The following PRR5 variants were observed in gnomAD, a reference collection of about 807,000 sequenced individuals.
PRR5 encodes the protein proline rich 5, also known as proline-rich protein 5.
In PRR5, 25 loss-of-function variants were observed where a neutral mutation model predicts 30.6. The ratio of observed to expected loss-of-function variants is 0.82; its 90% confidence interval spans 0.60 to 1.14. The LOEUF (loss-of-function observed/expected upper bound fraction) is 1.14. PRR5 is among the 50% of genes most tolerant of loss of function. PRR5 has a pLI of 0.00. For missense variants in PRR5, 600 were observed against 547.1 expected, an observed-to-expected ratio of 1.10 and a Z score of -0.96; for synonymous variants, 286 against 247.1, an observed-to-expected ratio of 1.16 and a Z score of -1.48.
chr22:44,730,618 C>G, intron 4 of PRR5: 3 of 998,552 alleles, frequency 3.0e-6, no homozygotes, highest in Non-Finnish European at 3.6e-6. Context: ...AGAGACTCAC[C>G]TGTCAAGATG....
At chr22:44,687,583 A>G (rs1797764703) in intron 1 of PRR5, among the ~76,000 whole-genome samples, 1 of 151,802 alleles carries the variant, frequency 6.6e-6, no homozygotes, top group African/African-American at 2.4e-5. Flanking sequence ...ATCTTTTTCT[A>G]GGCTACATTT....
In PRR5 at chr22:44,731,447, C is replaced by A. The variant is rs976488466; in HGVS notation, c.323-283C>A. The stretch of plus-strand genomic sequence containing the variant: ...CAGCTGTCATCTGCCAGGAGCAGAC[C>A]CTGAGCCAAGTTCCCTGTGCCTTAG... On this transcript the variant is annotated intron_variant, in intron 4 of 7. Coordinates refer to ENST00000336985, the MANE Select transcript of PRR5 (RefSeq NM_181333.4). 2.3e-5 allele frequency: 12 copies of A among 518,320 alleles called. No homozygotes were observed. The South Asian group carries it at 2.5e-4, about 11-fold the overall frequency. 32.1% of individuals were successfully genotyped at this position (518,320 alleles called of 1,614,324 possible).
upstream of PRR5, among the ~76,000 whole-genome samples, chr22:44,701,031 C>T (rs145275329): frequency 6.6e-6 from 1 of 151,144 alleles, no homozygotes; most frequent in African/African-American, 2.4e-5. Flanking sequence ...TACGGGCATG[C>T]ACCACCACGC....
rs367547002 is a variant in PRR5 at position 44,692,512 on chromosome 22, C to T, written c.-10-9980C>T. ...TCCCAGGGCTCCTCCACCTGGCACT[C>T]CTCCTCCTGGGGGCTCCTCCTCCCG... On this transcript the variant is annotated intron_variant, in intron 1 of 8. Coordinates refer to the PRR5 transcript ENST00000006251. 2.2e-4 allele frequency among the ~76,000 whole-genome samples: 30 copies of T among 135,478 alleles called. No individual in the cohort carries two copies. The East Asian group carries it at 5.2e-3, about 23-fold the overall frequency. 88.9% of individuals were successfully genotyped at this position (135,478 alleles called of 152,430 possible). A position where few individuals can be genotyped will look rare whatever the true frequency, so the allele number is the denominator to read the frequency against.
chr22:44,716,602 T>A (rs1202749944), intron 2 of PRR5, among the ~76,000 whole-genome samples: 1 of 152,214 alleles, frequency 6.6e-6, no homozygotes, highest in Admixed American at 6.5e-5. Flanking sequence ...GTTATCTCCA[T>A]TTTACAGGTG....
At chr22:44,685,231 T>C (rs1379612987) in intron 1 of PRR5, among the ~76,000 whole-genome samples, 1 of 152,164 alleles carries the variant, frequency 6.6e-6, no homozygotes, top group Non-Finnish European at 1.5e-5. Flanking sequence ...ATGTGTCCTT[T>C]ACCCCATGCA....
At chr22:44,690,759 G>C (rs914965307) in intron 1 of PRR5, among the ~76,000 whole-genome samples, 1 of 152,206 alleles carries the variant, frequency 6.6e-6, no homozygotes, top group Non-Finnish European at 1.5e-5. Context: ...CGGAGGATGA[G>C]GAGCAGGGCA....
chr22:44,714,077 A>G (rs985478469), intron 1 of PRR5, among the ~76,000 whole-genome samples: 1 of 152,146 alleles, frequency 6.6e-6, no homozygotes, highest in Non-Finnish European at 1.5e-5. Context: ...CACTGGGATT[A>G]CAGGCGTGAG....
At chr22:44,711,551 G>A (rs959804016) in intron 1 of PRR5, among the ~76,000 whole-genome samples, 16 of 152,086 alleles carry the variant, frequency 1.1e-4, no homozygotes, top group Non-Finnish European at 4.4e-5. Flanking sequence ...TGAAAAGGAA[G>A]GAAGGACAGG....
chr22:44,717,760 A>T (rs1929306423), intron 2 of PRR5, among the ~76,000 whole-genome samples: 2 of 140,362 alleles, frequency 1.4e-5, no homozygotes, highest in African/African-American at 5.4e-5. Flanking sequence ...CTTGTTGCCC[A>T]GGCTAGAGTG....
chr22:44,671,782 T>G (rs949803493), intron 1 of PRR5, among the ~76,000 whole-genome samples: 9 of 152,222 alleles, frequency 5.9e-5, no homozygotes, highest in African/African-American at 2.2e-4. Flanking sequence ...GGCAAGTTAC[T>G]TAACCTCTGT....
At chr22:44,727,152 C>T (rs1180902133) in intron 4 of PRR5, among the ~76,000 whole-genome samples, 2 of 149,664 alleles carry the variant, frequency 1.3e-5, no homozygotes, top group East Asian at 3.9e-4. Flanking sequence ...CTACAGTGCA[C>T]ATCAGGGGTG....
chr22:44,679,902 G>T, intron 1 of PRR5: 1 of 1,563,288 alleles, frequency 6.4e-7, no homozygotes, highest in Middle Eastern at 1.8e-4. Flanking sequence ...CTGTGCCGAA[G>T]GGTGGCTACG....
intron 4 of PRR5, among the ~76,000 whole-genome samples, chr22:44,728,333 G>A (rs558628662): frequency 6.6e-6 from 1 of 152,234 alleles, no homozygotes; most frequent in Non-Finnish European, 1.5e-5. Flanking sequence ...TTAGCAATGT[G>A]GGGTTGAACA....
intron 2 of PRR5, among the ~76,000 whole-genome samples, chr22:44,719,246 AT>A (rs5845665): frequency 0.37 from 55,096 of 150,812 alleles, 10,277 homozygotes; most frequent in South Asian, 0.56. Context: ...AGCCTAGCTA[AT>A]TTTTTTTTTA....
chr22:44,729,042 C>T (rs768557469), intron 4 of PRR5, among the ~76,000 whole-genome samples: 1 of 152,194 alleles, frequency 6.6e-6, no homozygotes, highest in African/African-American at 2.4e-5. Context: ...TCCTTGGAAG[C>T]CAGAAACTTG....
intron 1 of PRR5, among the ~76,000 whole-genome samples, chr22:44,696,469 T>C (rs200263447): frequency 6.6e-6 from 1 of 152,190 alleles, no homozygotes; most frequent in East Asian, 1.9e-4. Context: ...GAGAATCTTA[T>C]GCAGGTGCAT....
At chr22:44,726,016 T>C (rs1920939184) in intron 3 of PRR5, among the ~76,000 whole-genome samples, 1 of 152,236 alleles carries the variant, frequency 6.6e-6, no homozygotes, top group African/African-American at 2.4e-5. Flanking sequence ...GACTTTTGTC[T>C]GGACTCTTTC....
At chr22:44,679,884 A>G (rs903783038) in intron 1 of PRR5, 6 of 1,578,176 alleles carry the variant, frequency 3.8e-6, no homozygotes, top group South Asian at 2.3e-5. Flanking sequence ...GGGCTTGTAC[A>G]GGTGCCACTG....
Sources: gnomAD v4.1 joint callset for allele counts (sites outside exome capture counted in the v4.1 genomes callset) on GRCh38, gnomAD v4.1.1 for gene constraint, MANE v1.5 for transcripts, NCBI Gene and HGNC (gene_info 2026-07-23, HGNC 2026-07-21) for gene names.